Variants in SULF2 observed in about 807,000 individuals in gnomAD.
The protein encoded by SULF2 is extracellular sulfatase Sulf-2.
A neutral mutation model predicts 107.7 loss-of-function variants in SULF2; 52 were observed. That is an observed-to-expected ratio of 0.48 (90% confidence interval 0.39 to 0.61). SULF2 has a LOEUF of 0.61. Among genes scored for constraint, SULF2 ranks in the 20% least tolerant of loss-of-function variants. SULF2 has a pLI of 0.00. For synonymous variants in SULF2, 460 were observed against 464.3 expected, an observed-to-expected ratio of 0.99 and a Z score of 0.12; for missense variants, 993 against 1,177.3, an observed-to-expected ratio of 0.84 and a Z score of 2.29.
chr20:47,709,754 C>CTGTG (rs57995482), intron 3 of SULF2, among the ~76,000 whole-genome samples: 4,967 of 150,886 alleles, frequency 0.033, 259 homozygotes, highest in African/African-American at 0.11. Flanking sequence ...AGGGAAGAGT[C>CTGTG]TGTGTGTGTG....
Position 47,667,872 on chromosome 20 carries a change from G to A in SULF2, c.1577-1384C>T, listed in dbSNP as rs147452460. Reference sequence around the variant, plus strand: ...AAAGGGCTCCCTTCTCACGTGGCCCGGGTGCCACCCCCACTCTTGGGGGAT... The same window carrying A: ...AAAGGGCTCCCTTCTCACGTGGCCCAGGTGCCACCCCCACTCTTGGGGGAT... On this transcript the variant is annotated intron_variant, in intron 11 of 20. Transcript: ENST00000688720. 5.8e-3 allele frequency among the ~76,000 whole-genome samples: 876 copies of A among 152,254 alleles called. 4 individuals are homozygous for A. The highest frequency in any genetic ancestry group is 0.02 in the African/African-American group (833 of 41,540).
At chr20:47,757,559 G>A (rs2090323967) in intron 1 of SULF2, 96 bp from the exon 2 acceptor site, 1 of 634,954 alleles carries the variant, frequency 1.6e-6, no homozygotes, top group Non-Finnish European at 2.6e-6. Flanking sequence ...CATGAACAAT[G>A]GGAGTTTCTT....
At chr20:47,784,207 G>C (rs1194874765) in intron 1 of SULF2, among the ~76,000 whole-genome samples, 2 of 152,186 alleles carry the variant, frequency 1.3e-5, no homozygotes, top group Non-Finnish European at 2.9e-5. Flanking sequence ...AAACAGGCAG[G>C]GGACAGATGG....
chr20:47,764,955 C>G (rs1245925572), intron 1 of SULF2, among the ~76,000 whole-genome samples: 1 of 152,146 alleles, frequency 6.6e-6, no homozygotes, highest in Non-Finnish European at 1.5e-5. Context: ...AGATAAGGCA[C>G]GGACAGGTTC....
At chr20:47,702,220 GC>G (rs1394445592) in intron 4 of SULF2, among the ~76,000 whole-genome samples, 1 of 152,048 alleles carries the variant, frequency 6.6e-6, no homozygotes, top group Non-Finnish European at 1.5e-5. Flanking sequence ...ACCACACCCG[GC>G]TAAGTTTTGT....
At position 47,763,115 on chromosome 20, in the gene SULF2, C is replaced by T. The variant is rs890937204; in HGVS notation, c.-100-5652G>A. Among the ~76,000 whole-genome samples, 9 of 152,084 alleles carry T rather than the reference C, an allele frequency of 5.9e-5. No homozygotes were observed. In the South Asian group the frequency reaches 1.9e-3, roughly 32 times the overall value. ...CCCAGTGAACTCACGCAGCACCAGC[C>T]GCCTGCCACTCCATCCCTGCTGTGG... is the stretch of plus-strand genomic sequence containing the variant. On this transcript the variant is annotated intron_variant, in intron 1 of 20. Transcript: ENST00000688720.
At chr20:47,717,813 ATTTTTTTTT>A (rs11484145) in intron 3 of SULF2, among the ~76,000 whole-genome samples, 1 of 135,464 alleles carries the variant, frequency 7.4e-6, no homozygotes, top group African/African-American at 2.8e-5. Flanking sequence ...TTCAGAGATA[ATTTTTTTTT>A]TTTTTTTTTG....
In SULF2 at chr20:47,690,148, A is replaced by G. The variant is rs1159900017; in HGVS notation, c.715T>C (p.Phe239Leu). The change falls in exon 5 of 21, where the codon TTC becomes CTC. Residue 239 changes from phenylalanine to leucine, a missense_variant. Physicochemically the swap from Phe to Leu is conservative, Grantham distance 22 (BLOSUM62 0). Coordinates refer to ENST00000688720, the MANE Select transcript of SULF2 (RefSeq NM_001387048.1). The part of the protein sequence containing the change: ...EDSAPQYSRL[F>L]PNASQHITPS... ...TACATGTGCTGAGATGCGTTTGGGA[A>G]GAGGCGTGAATATTGTGGGGCTGAA... The G allele has an allele frequency of 6.6e-7, 1 of 1,513,472 alleles. No homozygotes were observed. The highest frequency in any genetic ancestry group is 1.3e-5 in the South Asian group (1 of 75,634). 93.8% of individuals were successfully genotyped at this position (1,513,472 alleles called of 1,614,324 possible).
intron 3 of SULF2, among the ~76,000 whole-genome samples, chr20:47,723,071 A>T (rs1600574314): frequency 6.6e-6 from 1 of 152,000 alleles, no homozygotes; most frequent in Admixed American, 6.6e-5. Flanking sequence ...CGTCTCAAAA[A>T]AAAACCAAAA....
chr20:47,727,219 A>G (rs569468645), intron 3 of SULF2, among the ~76,000 whole-genome samples: 4 of 152,332 alleles, frequency 2.6e-5, no homozygotes, highest in Admixed American at 2.0e-4. Context: ...AGCGGGCTCT[A>G]GTCCAATCAC....
chr20:47,751,807 C>T (rs763016439), intron 2 of SULF2, among the ~76,000 whole-genome samples: 18 of 152,210 alleles, frequency 1.2e-4, no homozygotes, highest in Non-Finnish European at 2.2e-4. Context: ...GTGACACACG[C>T]GTTTTTAACA....
At chr20:47,766,025 G>T (rs936391284) in intron 1 of SULF2, among the ~76,000 whole-genome samples, 1 of 152,236 alleles carries the variant, frequency 6.6e-6, no homozygotes, top group Non-Finnish European at 1.5e-5. Context: ...GTGAAGAGGA[G>T]GGTGGAGGAC....
At position 47,704,233 on chromosome 20, in the gene SULF2, C is replaced by A. The variant is rs73313942; in HGVS notation, c.416-1563G>T. ...AAAAGCTCTGTGATAAGGAGACAGACAAGACCTCTTCATGATCCTCTTCTG... is the reference window on the plus strand; with the variant it reads ...AAAAGCTCTGTGATAAGGAGACAGAAAAGACCTCTTCATGATCCTCTTCTG... On this transcript the variant is annotated intron_variant, in intron 3 of 20. Coordinates refer to ENST00000688720, the MANE Select transcript of SULF2 (RefSeq NM_001387048.1). 5.6e-3 allele frequency among the ~76,000 whole-genome samples: 851 copies of A among 152,170 alleles called. 11 individuals are homozygous for A. Among genetic ancestry groups the A allele is most frequent in the African/African-American group, 0.019 (806 of 41,522 alleles).
At chr20:47,769,984 G>A (rs1045196378) in intron 1 of SULF2, among the ~76,000 whole-genome samples, 8 of 151,604 alleles carry the variant, frequency 5.3e-5, no homozygotes, top group South Asian at 2.1e-4. Flanking sequence ...AAGGGGGCAC[G>A]CATGGCGGCA....
chr20:47,751,491 G>A (rs1231833507), intron 2 of SULF2, among the ~76,000 whole-genome samples: 1 of 152,216 alleles, frequency 6.6e-6, no homozygotes, highest in Non-Finnish European at 1.5e-5. Flanking sequence ...GGTGAGAGAA[G>A]CTCTCTTTCC....
At chr20:47,668,822 G>A (rs893664318) in intron 11 of SULF2, among the ~76,000 whole-genome samples, 1 of 151,870 alleles carries the variant, frequency 6.6e-6, no homozygotes, top group Non-Finnish European at 1.5e-5. Context: ...GGCTGCCCAT[G>A]CCCATGGTGC....
intron 4 of SULF2, among the ~76,000 whole-genome samples, chr20:47,693,642 T>G (rs951604171): frequency 6.6e-6 from 1 of 152,196 alleles, no homozygotes; most frequent in African/African-American, 2.4e-5. Flanking sequence ...ATATCATTTA[T>G]AAAAAGTCTA....
intron 2 of SULF2, among the ~76,000 whole-genome samples, chr20:47,752,621 C>T (rs142734047): frequency 0.013 from 1,958 of 150,452 alleles, 39 homozygotes; most frequent in African/African-American, 0.043. Context: ...TGTGATGGTG[C>T]GCACCTGTAG....
intron 7 of SULF2, among the ~76,000 whole-genome samples, chr20:47,681,774 C>T (rs112971670): frequency 0.013 from 2,022 of 152,326 alleles, 56 homozygotes; most frequent in African/African-American, 0.046. Flanking sequence ...CAACCTCCAC[C>T]TCCCAGGTTC....
Sources: allele counts gnomAD v4.1 joint callset (sites outside exome capture counted in the v4.1 genomes callset), GRCh38; gene constraint gnomAD v4.1.1; transcripts MANE v1.5; gene names NCBI Gene and HGNC (gene_info 2026-07-23, HGNC 2026-07-21).